The following KIF18B variants were observed in gnomAD, a reference collection of about 807,000 sequenced individuals.
KIF18B encodes the protein kinesin family member 18B.
A neutral mutation model predicts 80.9 loss-of-function variants in KIF18B; 49 were observed. The ratio of observed to expected loss-of-function variants is 0.61; its 90% CI spans 0.48 to 0.77. The LOEUF (loss-of-function observed/expected upper bound fraction) is 0.77, where lower values mean the gene tolerates loss of function less well. KIF18B is among the 30% of genes least tolerant of loss of function. The pLI is 0.00. For synonymous variants in KIF18B, 439 were observed against 463.9 expected (o/e 0.95, Z 0.69); for missense variants, 994 against 1,127.7 (o/e 0.88, Z 1.70).
At chr17:44,926,278 A>G in intron 15 of KIF18B, 92 bp from the exon 16 acceptor site, 1 of 1,584,526 alleles carries the variant, frequency 6.3e-7, no homozygotes, top group East Asian at 2.3e-5. Flanking sequence ...CACCTGTCTC[A>G]TCAGCAGCAT....
chr17:44,925,882 A>C lies in KIF18B; in HGVS notation c.*198T>G. On this transcript the variant is annotated 3_prime_UTR_variant, in exon 16 of 16. Transcript: ENST00000593135. ...TACATGCCAAGAAGCTGAGTGTAAC[A>C]GGAGATTAACAGAGGGTGAGTAGCA... The C allele has an allele frequency of 1.6e-6, 1 of 623,606 alleles. No homozygotes were observed. 38.6% of individuals were successfully genotyped at this position (623,606 alleles called of 1,614,324 possible). A position where few individuals can be genotyped will look rare whatever the true frequency, so the allele number is the denominator to read the frequency against.
Position 44,927,506 on chromosome 17 carries a change from T to A in KIF18B, c.2277-428A>T, listed in dbSNP as rs1419705775. 6.6e-6 allele frequency among the ~76,000 whole-genome samples: 1 copy of A among 152,146 alleles called. No individual in the cohort carries two copies. Among genetic ancestry groups the A allele is most frequent in the African/African-American group, 2.4e-5 (1 of 41,446 alleles). Reference sequence around the variant, plus strand: ...AGGCTGCTGTTCCCCTCCTCTGCCATGTGTGTGGAAAGGGGGAGTGACAGC... The same window carrying A: ...AGGCTGCTGTTCCCCTCCTCTGCCAAGTGTGTGGAAAGGGGGAGTGACAGC... On this transcript the variant is annotated intron_variant, in intron 13 of 15. Coordinates refer to ENST00000593135, the MANE Select transcript of KIF18B (RefSeq NM_001265577.2). This position sits in a 1 kb window ranked among gnomAD's most constrained non-coding sequence, Gnocchi z 4.1.
intron 1 of KIF18B, among the ~76,000 whole-genome samples, chr17:44,939,430 C>T (rs924637983): frequency 6.5e-5 from 9 of 139,280 alleles, no homozygotes; most frequent in African/African-American, 2.4e-4. Context: ...TCTTCTGTTT[C>T]GTTATGTCCA....
chr17:44,928,415 C>T lies in KIF18B; in HGVS notation c.1887G>A (p.Arg629=). Residue 629 remains arginine, a synonymous_variant, in exon 13 of 16, where the codon AGG becomes AGA. Coordinates refer to ENST00000593135, the MANE Select transcript of KIF18B (RefSeq NM_001265577.2). Reference sequence around the variant, plus strand: ...CTGCCTCCAAGGCGCTTGGTCTCCTCCTCTTCTTCTCCATGGGCCATCGGG... The same window carrying T: ...CTGCCTCCAAGGCGCTTGGTCTCCTTCTCTTCTTCTCCATGGGCCATCGGG... ...QGSRWPMEKK[R]RRPSALEADS... The T allele has an allele frequency of 6.5e-7, 1 of 1,548,298 alleles. No homozygotes were observed. The highest frequency in any genetic ancestry group is 8.7e-7 in the Non-Finnish European group (1 of 1,151,038).
chr17:44,928,499 A>G lies in KIF18B; in HGVS notation c.1803T>C (p.Ser601=), dbSNP rs1480284266. ...GGATTCCCAGGGTGTGCAGGGGGCCACTCAGTCGCCTCGCCATAGTCCGGG... is the reference window on the plus strand; with the variant it reads ...GGATTCCCAGGGTGTGCAGGGGGCCGCTCAGTCGCCTCGCCATAGTCCGGG... ...PVTRTMARRL[S]GPLHTLGIPP... The change falls in exon 13 of 16, where the codon AGT becomes AGC. Residue 601 remains serine (S), a synonymous_variant. Coordinates refer to ENST00000593135, the MANE Select transcript of KIF18B (RefSeq NM_001265577.2). 2.0e-6 allele frequency: 3 copies of G among 1,500,906 alleles called. No individual in the cohort carries two copies. The highest frequency in any genetic ancestry group is 2.2e-5 in the Admixed American group (1 of 45,234). The allele number at this position is 1,500,906 out of a possible 1,614,324, so 93.0% of individuals were successfully genotyped here.
Position 44,928,889 on chromosome 17 carries a change from C to T in KIF18B, c.1653G>A (p.Gly551=), listed in dbSNP as rs757514072. The change falls in exon 12 of 16, where the codon GGG becomes GGA. Residue 551 remains glycine, a synonymous_variant. Coordinates refer to ENST00000593135, the MANE Select transcript of KIF18B (RefSeq NM_001265577.2). ...QLVQEEKIEP[G]AEALRTSGLA... The stretch of plus-strand genomic sequence containing the variant: ...GGCCTGAAGTCCTCAAGGCCTCTGC[C>T]CCAGGCTCAATTTTTTCCTCTTGCA... 1.9e-6 allele frequency: 3 copies of T among 1,613,938 alleles called. No homozygotes were observed. The highest frequency in any genetic ancestry group is 2.2e-5 in the South Asian group (2 of 91,086).
At chr17:44,926,314 G>C (rs528078424) in intron 15 of KIF18B, 100 bp downstream of exon 15, 1 of 1,559,424 alleles carries the variant, frequency 6.4e-7, no homozygotes, top group African/African-American at 1.4e-5. Flanking sequence ...CAATACCCTA[G>C]GCCCTCCTTT....
In KIF18B at chr17:44,925,801, C is replaced by A; in HGVS notation, c.*279G>T. The stretch of plus-strand genomic sequence containing the variant: ...ATCTCAAAACAAAAAAAACAAAAAA[C>A]AAAAACCACCAAAAAACAAAAAACA... On this transcript the variant is annotated 3_prime_UTR_variant, in exon 16 of 16. Transcript: ENST00000593135. 6.4e-6 allele frequency: 3 copies of A among 469,284 alleles called. No individual in the cohort carries two copies. The highest frequency in any genetic ancestry group is 1.1e-5 in the Non-Finnish European group (3 of 263,832). 29.1% of individuals were successfully genotyped at this position (469,284 alleles called of 1,614,324 possible). A position where few individuals can be genotyped will look rare whatever the true frequency, so the allele number is the denominator to read the frequency against.
intron 1 of KIF18B, 135 bp from the exon 2 acceptor site, chr17:44,936,493 T>G (rs2052296079): frequency 3.0e-6 from 2 of 657,542 alleles, no homozygotes; most frequent in African/African-American, 3.7e-5. Flanking sequence ...GTAAAAATAT[T>G]GGTGCTGAAA....
intron 11 of KIF18B, among the ~76,000 whole-genome samples, 158 bp from the exon 12 acceptor site, chr17:44,929,182 T>C (rs2052096737): frequency 6.6e-6 from 1 of 152,124 alleles, no homozygotes; most frequent in South Asian, 2.1e-4. Flanking sequence ...CTAGCCAGAC[T>C]CACCACCCTC....
chr17:44,933,052 A>G, intron 7 of KIF18B, 66 bp from the exon 8 acceptor site: 1 of 1,465,360 alleles, frequency 6.8e-7, no homozygotes, highest in East Asian at 2.3e-5. Context: ...GCCACCGCCG[A>G]TGGCCAGGCA....
chr17:44,936,120 G>C lies in KIF18B; in HGVS notation c.225C>G (p.Val75=), dbSNP rs200495039. 1 of 1,613,858 alleles carries C rather than the reference G, an allele frequency of 6.2e-7. No individual in the cohort carries two copies. Among genetic ancestry groups the C allele is most frequent in the Non-Finnish European group, 8.5e-7 (1 of 1,179,888 alleles). ...CCTGTTGGGTGGCCGCCTCGCCAAA[G>C]ACCCGGTCAAAGACAAACGTCAGGT... ...GKDLTFVFDR[V]FGEAATQQDV... is the part of the protein sequence containing the mutation. Residue 75 remains valine (V), a synonymous_variant, in exon 2 of 16, where the codon GTC becomes GTG. Coordinates refer to ENST00000593135, the MANE Select transcript of KIF18B (RefSeq NM_001265577.2).
chr17:44,933,060 G>A (rs1022325034), intron 7 of KIF18B, 74 bp from the exon 8 acceptor site: 1 of 1,382,908 alleles, frequency 7.2e-7, no homozygotes, highest in African/African-American at 1.4e-5. Flanking sequence ...CGATGGCCAG[G>A]CACTGCACTA....
At chr17:44,929,769 C>A (rs765543463) in intron 11 of KIF18B, among the ~76,000 whole-genome samples, 1 of 152,094 alleles carries the variant, frequency 6.6e-6, no homozygotes, top group South Asian at 2.1e-4. Context: ...CCCTCAAAAA[C>A]GCATTCCGTC....
Position 44,936,219 on chromosome 17 carries a change from A to C in KIF18B, c.126T>G (p.Pro42=). The C allele has an allele frequency of 1.2e-6, 2 of 1,610,608 alleles. No individual in the cohort carries two copies. Among genetic ancestry groups the C allele is most frequent in the South Asian group, 1.1e-5 (1 of 90,386 alleles). ...VVDERVLVFN[P]EEPDGGFPGL... ...CAGGGAACCCTCCATCGGGCTCCTC[A>C]GGGTTAAACACCAGCACCCGCTCGT... The change falls in exon 2 of 16, where the codon CCT becomes CCG. Residue 42 remains proline (P), a synonymous_variant. Transcript: ENST00000593135.
At position 44,925,336 on chromosome 17, in the gene KIF18B, A is replaced by G. The variant is rs111305569; in HGVS notation, c.*744T>C. On this transcript the variant is annotated 3_prime_UTR_variant, in exon 16 of 16. Coordinates refer to ENST00000593135, the MANE Select transcript of KIF18B (RefSeq NM_001265577.2). ...GTGGTGGGCGCCTGTAGTCCCAGCT[A>G]CTTGGGAGGCTGAGGCAGGAGAATG... is the stretch of plus-strand genomic sequence containing the variant. The G allele has an allele frequency of 0.14, 21,784 of 151,944 alleles. 1,785 individuals carry two copies. Among genetic ancestry groups the G allele is most frequent in the Middle Eastern group, 0.2 (58 of 296 alleles). The allele number at this position is 151,944 out of a possible 1,614,324, so 9.4% of individuals were successfully genotyped here.
chr17:44,931,004 G>T (rs1336626292), intron 11 of KIF18B, among the ~76,000 whole-genome samples: 1 of 152,204 alleles, frequency 6.6e-6, no homozygotes, highest in African/African-American at 2.4e-5. Flanking sequence ...GCTGGGGAGG[G>T]AAGAGCGGGA....
Position 44,934,186 on chromosome 17 carries a change from G to T in KIF18B, c.885+47C>A, listed in dbSNP as rs777078602. On this transcript the variant is annotated intron_variant, in intron 6 of 15. Transcript: ENST00000593135. The surrounding 1 kb of genome is among the most constrained non-coding windows in gnomAD (Gnocchi z 5.4). ...CTGTGGCCTTTGGCCCTGGGTTCAG[G>T]TGCTCAGTTGCTATCCTGGGGAGAA... 73 of 1,594,168 alleles carry T rather than the reference G, an allele frequency of 4.6e-5. No homozygotes were observed. In the Middle Eastern group the frequency reaches 6.7e-4, roughly 15 times the overall value.
Position 44,935,282 on chromosome 17 carries a change from C to A in KIF18B, c.448G>T (p.Glu150Ter). The A allele has an allele frequency of 6.2e-7, 1 of 1,610,278 alleles. No individual in the cohort carries two copies. Among genetic ancestry groups the A allele is most frequent in the Non-Finnish European group, 8.5e-7 (1 of 1,177,696 alleles). ...ACCTCCTGGTAGCTGATGAGCACCT[C>A]GAAGTGCTTCTCCTGCTGGCGGGCC... ...LEARQQEKHF[E>*]VLISYQEVYN... The change falls in exon 3 of 16, where the codon GAG becomes TAG. Residue 150 changes from glutamate (E) to a stop codon, truncating the protein, a stop_gained. Transcript: ENST00000593135. LOFTEE classifies it high-confidence loss of function.
Sources: allele counts gnomAD v4.1 joint callset (sites outside exome capture counted in the v4.1 genomes callset), GRCh38; gene constraint gnomAD v4.1.1; non-coding constraint Gnocchi (gnomAD v3.1); transcripts MANE v1.5; gene names NCBI Gene and HGNC (gene_info 2026-07-23, HGNC 2026-07-21).